The following JPH3 variants were observed in gnomAD, a reference collection of about 807,000 sequenced individuals.
The protein encoded by JPH3 is junctophilin 3, also known as junctophilin-3.
Under a neutral mutation model 59.6 loss-of-function variants are expected in JPH3, and 11 were observed. The observed-to-expected ratio is 0.18, with a 90% CI of 0.12 to 0.31. JPH3 has a LOEUF of 0.31. JPH3 is among the 10% of genes least tolerant of loss of function. The pLI, the probability that JPH3 is intolerant of heterozygous loss-of-function variation, is 1.00. For synonymous variants in JPH3, 673 were observed against 483.6 expected, an observed-to-expected ratio of 1.39 and a Z score of -5.14; for missense variants, 1,202 against 1,105.7, an observed-to-expected ratio of 1.09 and a Z score of -1.24.
At chr16:87,640,991 C>G (rs2031930436) in intron 1 of JPH3, among the ~76,000 whole-genome samples, 2 of 152,354 alleles carry the variant, frequency 1.3e-5, no homozygotes, top group South Asian at 4.1e-4. Context: ...TTCCTCCTCA[C>G]AACCCCAGCC....
chr16:87,690,634 T>C, intron 4 of JPH3, 108 bp downstream of exon 4: 1 of 1,184,330 alleles, frequency 8.4e-7, no homozygotes, highest in South Asian at 2.4e-5. Flanking sequence ...CCTGTTCCTC[T>C]CCAGGGGTGG....
chr16:87,614,815 C>T (rs1044420505), intron 1 of JPH3, among the ~76,000 whole-genome samples: 2 of 148,098 alleles, frequency 1.4e-5, no homozygotes, highest in African/African-American at 5.0e-5. Context: ...ACGCTGGTCC[C>T]TGCACACGTG....
chr16:87,681,025 C>A (rs1567612309), intron 2 of JPH3, among the ~76,000 whole-genome samples: 1 of 152,164 alleles, frequency 6.6e-6, no homozygotes, highest in Non-Finnish European at 1.5e-5. Flanking sequence ...AAGTGAAAGA[C>A]CCCGTCCTCT....
rs755421426 is a variant in JPH3, at chr16:87,644,793, G to A, written c.918G>A (p.Ser306=). 89 of 1,613,206 alleles carry A rather than the reference G, an allele frequency of 5.5e-5. No homozygotes were observed. Among genetic ancestry groups the A allele is most frequent in the South Asian group, 2.1e-4 (19 of 91,070 alleles). Residue 306 remains serine, a synonymous_variant, in exon 2 of 5, where the codon TCG becomes TCA. Transcript: ENST00000284262. ...KRSGFGVSQR[S]DGLKYEGEWA... ...CCGGCTTCGGCGTGAGCCAGCGCTC[G>A]GACGGGCTCAAGTACGAGGGCGAGT...
intron 1 of JPH3, among the ~76,000 whole-genome samples, chr16:87,614,155 A>T (rs1245549028): frequency 6.6e-6 from 1 of 151,882 alleles, no homozygotes; most frequent in African/African-American, 2.4e-5. Flanking sequence ...GAGCTGCGTG[A>T]CCCCTCCCAG....
chr16:87,612,368 G>T (rs559557001), intron 1 of JPH3, among the ~76,000 whole-genome samples: 8 of 152,172 alleles, frequency 5.3e-5, no homozygotes, highest in Non-Finnish European at 1.5e-5. Context: ...CAAGCGATCC[G>T]CCCACCTTGG....
At chr16:87,679,066 C>T (rs1015858168) in intron 2 of JPH3, among the ~76,000 whole-genome samples, 1 of 152,214 alleles carries the variant, frequency 6.6e-6, no homozygotes, top group Non-Finnish European at 1.5e-5. Flanking sequence ...TCCTCCCCAT[C>T]TTGCAGCCCC....
At chr16:87,665,323 C>T (rs1164043597) in intron 2 of JPH3, among the ~76,000 whole-genome samples, 2 of 152,210 alleles carry the variant, frequency 1.3e-5, no homozygotes, top group Non-Finnish European at 2.9e-5. Context: ...TTGGTTTCTC[C>T]CCATTGTGCA....
At chr16:87,671,871 G>A (rs1291768896) in intron 2 of JPH3, among the ~76,000 whole-genome samples, 1 of 152,214 alleles carries the variant, frequency 6.6e-6, no homozygotes, top group Non-Finnish European at 1.5e-5. Context: ...TCGGTTTTCA[G>A]CAGGACAGTA....
chr16:87,673,083 T>G (rs1214841289), intron 2 of JPH3, among the ~76,000 whole-genome samples: 1 of 151,232 alleles, frequency 6.6e-6, no homozygotes, highest in Non-Finnish European at 1.5e-5. Flanking sequence ...GAGGCGGAGG[T>G]TGCAGTGGGC....
rs1198480243 is a variant in JPH3 at position 87,644,934 on chromosome 16, C to T, written c.1059C>T (p.Pro353=). 2.5e-6 allele frequency: 4 copies of T among 1,612,538 alleles called. No individual in the cohort carries two copies. Among genetic ancestry groups the T allele is most frequent in the South Asian group, 1.1e-5 (1 of 91,086 alleles). Residue 353 remains proline, a synonymous_variant, in exon 2 of 5, where the codon CCC becomes CCT. Coordinates refer to ENST00000284262, the MANE Select transcript of JPH3 (RefSeq NM_020655.4). The part of the protein sequence containing the change: ...LVGGKRKNLI[P]LRASKIREKV... ...GCGGCAAGCGCAAGAACCTCATCCC[C>T]CTGCGGGCCAGCAAGATCCGCGAGA...
chr16:87,653,026 G>A (rs934186726), intron 2 of JPH3, among the ~76,000 whole-genome samples: 1 of 152,150 alleles, frequency 6.6e-6, no homozygotes, highest in African/African-American at 2.4e-5. Context: ...GGGCCTGGTT[G>A]CTGAGGAGGG....
In JPH3 at chr16:87,614,638, G is replaced by A. The variant is rs868064776; in HGVS notation, c.382+11110G>A. ...GGTCCCTGCACACAAGGGGGTCTGC[G>A]CCTCCCCGTCCCAGGATAAAGGCAG... On this transcript the variant is annotated intron_variant, in intron 1 of 4. Transcript: ENST00000284262. 1.8e-4 allele frequency among the ~76,000 whole-genome samples: 27 copies of A among 146,668 alleles called. 1 individual carries two copies. The highest frequency in any genetic ancestry group is 8.3e-3 in the Middle Eastern group (2 of 242).
intron 3 of JPH3, among the ~76,000 whole-genome samples, chr16:87,685,299 C>T (rs968858469): frequency 3.3e-5 from 5 of 152,260 alleles, no homozygotes; most frequent in Non-Finnish European, 7.3e-5. Flanking sequence ...CCCCCGCACC[C>T]CCACCGCCTT....
rs1332547167 is a variant in JPH3 at position 87,690,148 on chromosome 16, A to G, written c.1788A>G (p.Gly596=). 1.0e-5 allele frequency: 16 copies of G among 1,597,572 alleles called. No homozygotes were observed. Among genetic ancestry groups the G allele is most frequent in the Non-Finnish European group, 1.4e-5 (16 of 1,172,468 alleles). ...ACCGGGCCAGCAACCACAGCCCCGG[A>G]GGCTCCAGGCTGCTGGAGCTGCAGG... ...SHHRASNHSP[G]GSRLLELQEE... The change falls in exon 4 of 5, where the codon GGA becomes GGG. Residue 596 remains glycine (G), a synonymous_variant. Transcript: ENST00000284262.
chr16:87,629,543 C>T (rs372467800), intron 1 of JPH3, among the ~76,000 whole-genome samples: 10 of 152,160 alleles, frequency 6.6e-5, no homozygotes, highest in Admixed American at 2.0e-4. Flanking sequence ...GGTGACGACG[C>T]GGAGCAGCCT....
chr16:87,604,119 C>G, intron 1 of JPH3: 1 of 1,333,770 alleles, frequency 7.5e-7, no homozygotes, highest in Non-Finnish European at 9.7e-7. Context: ...GCTGTCGAAG[C>G]AGGCTGCTGG....
At chr16:87,649,362 G>A (rs2032255799) in intron 2 of JPH3, among the ~76,000 whole-genome samples, 1 of 152,210 alleles carries the variant, frequency 6.6e-6, no homozygotes, top group Admixed American at 6.5e-5. Context: ...TGCCAGGAGG[G>A]CACACACAGG....
chr16:87,657,316 G>A lies in JPH3; in HGVS notation c.1160+12281G>A, dbSNP rs193029434. Among the ~76,000 whole-genome samples, 5 of 152,332 alleles carry A rather than the reference G, an allele frequency of 3.3e-5. 1 individual carries two copies. The highest frequency in any genetic ancestry group is 1.2e-4 in the African/African-American group (5 of 41,570). ...TGAGTGAAGGAAGCCTGTCACAAAAGGACAAATGTGGCATGTGAAATCTCT... is the reference window on the plus strand; with the variant it reads ...TGAGTGAAGGAAGCCTGTCACAAAAAGACAAATGTGGCATGTGAAATCTCT... On this transcript the variant is annotated intron_variant, in intron 2 of 4. Coordinates refer to ENST00000284262, the MANE Select transcript of JPH3 (RefSeq NM_020655.4).
Sources: allele counts gnomAD v4.1 joint callset (sites outside exome capture counted in the v4.1 genomes callset), GRCh38; gene constraint gnomAD v4.1.1; transcripts MANE v1.5; gene names NCBI Gene and HGNC (gene_info 2026-07-23, HGNC 2026-07-21).